Variants in LHPP observed in about 807,000 individuals in gnomAD.
LHPP encodes the protein hLHPP.
LHPP carries 24 observed loss-of-function variants against 30.3 expected under a neutral mutation model. The observed-to-expected ratio is 0.79, with a 90% CI of 0.57 to 1.11. The LOEUF (loss-of-function observed/expected upper bound fraction) is 1.11. LHPP is among the 50% of genes most tolerant of loss of function. LHPP has a pLI of 0.00. For missense variants in LHPP, 356 were observed against 367.2 expected (o/e 0.97, Z 0.25); for synonymous variants, 150 against 157.1 (o/e 0.95, Z 0.34).
intron 3 of LHPP, among the ~76,000 whole-genome samples, chr10:124,493,418 A>G (rs1263363674): frequency 1.3e-5 from 2 of 152,188 alleles, no homozygotes. Context: ...GTGCCCACCA[A>G]GGAGGCAGGA....
intron 6 of LHPP, among the ~76,000 whole-genome samples, chr10:124,552,647 T>C (rs1035311518): frequency 3.3e-5 from 5 of 152,074 alleles, no homozygotes; most frequent in Admixed American, 1.3e-4. Context: ...GCCCCTGTAG[T>C]CATTTCTAAA....
chr10:124,558,551 G>C (rs1313972698), intron 6 of LHPP, among the ~76,000 whole-genome samples: 1 of 152,202 alleles, frequency 6.6e-6, no homozygotes, highest in African/African-American at 2.4e-5. Flanking sequence ...AAGCCAGAAG[G>C]CTTCCAGGGG....
In LHPP at chr10:124,503,743, T is replaced by C. The variant is rs964094753; in HGVS notation, c.624+5615T>C. Reference sequence around the variant, plus strand: ...AAATATTAAAGCTATAAATATTTTATAAATATTATAGCTTTTTTTATTTAA... The same window carrying C: ...AAATATTAAAGCTATAAATATTTTACAAATATTATAGCTTTTTTTATTTAA... On this transcript the variant is annotated intron_variant, in intron 5 of 6. Transcript: ENST00000368842. Among the ~76,000 whole-genome samples the C allele has an allele frequency of 5.9e-5, 9 of 151,864 alleles. No homozygotes were observed. The South Asian group carries it at 1.7e-3, about 28-fold the overall frequency.
chr10:124,588,577 G>A (rs182738178), intron 6 of LHPP, among the ~76,000 whole-genome samples: 2 of 152,280 alleles, frequency 1.3e-5, no homozygotes, highest in East Asian at 3.9e-4. Flanking sequence ...GCCCGGCCCA[G>A]CTTTTTCATT....
At chr10:124,532,369 G>A (rs1589836444) in intron 6 of LHPP, among the ~76,000 whole-genome samples, 1 of 152,350 alleles carries the variant, frequency 6.6e-6, no homozygotes, top group South Asian at 2.1e-4. Context: ...TGGTATGCAG[G>A]TGTGACACAC....
intron 6 of LHPP, among the ~76,000 whole-genome samples, chr10:124,560,127 A>T (rs1362082189): frequency 6.6e-6 from 1 of 152,234 alleles, no homozygotes; most frequent in Non-Finnish European, 1.5e-5. Context: ...TCAGCCTGTG[A>T]TGGCTTCATA....
chr10:124,605,381 C>A (rs1279800273), intron 6 of LHPP: 4 of 152,286 alleles, frequency 2.6e-5, no homozygotes, highest in Non-Finnish European at 5.9e-5. Context: ...GAAGTCAACA[C>A]TGGCACCTGC....
At chr10:124,564,072 G>T (rs1008858913) in intron 6 of LHPP, among the ~76,000 whole-genome samples, 89 of 149,754 alleles carry the variant, frequency 5.9e-4, no homozygotes, top group Non-Finnish European at 3.4e-4. Context: ...TCAGCCTCCT[G>T]AGTGGCTGGA....
At chr10:124,509,024 C>A (rs1214082863) in intron 5 of LHPP, among the ~76,000 whole-genome samples, 1 of 152,110 alleles carries the variant, frequency 6.6e-6, no homozygotes, top group Non-Finnish European at 1.5e-5. Flanking sequence ...CCTCACCCTC[C>A]TCCCACCCTC....
intron 5 of LHPP, among the ~76,000 whole-genome samples, chr10:124,503,487 C>T (rs1380468405): frequency 6.6e-6 from 1 of 152,016 alleles, no homozygotes; most frequent in Non-Finnish European, 1.5e-5. Context: ...TTTAAAGCTG[C>T]TGGGAATAAT....
intron 6 of LHPP, among the ~76,000 whole-genome samples, chr10:124,544,760 G>A (rs1190317413): frequency 6.6e-6 from 1 of 152,208 alleles, no homozygotes; most frequent in Admixed American, 6.5e-5. Context: ...CCCGTCACGG[G>A]ACCTCACAGT....
At chr10:124,467,627 T>A (rs1483951532) in intron 1 of LHPP, among the ~76,000 whole-genome samples, 1 of 148,656 alleles carries the variant, frequency 6.7e-6, no homozygotes, top group East Asian at 2.0e-4. Flanking sequence ...CTCAAAAAAA[T>A]CTTTCTACCC....
Position 124,592,534 on chromosome 10 carries a change from G to A in LHPP, c.717-20730G>A, listed in dbSNP as rs545418708. Among the ~76,000 whole-genome samples the A allele has an allele frequency of 5.9e-5, 9 of 152,270 alleles. No individual in the cohort carries two copies. In the East Asian group the frequency reaches 7.7e-4, roughly 13 times the overall value. ...GAGCCTAAATTGCTGCCAAGTTCCC[G>A]ATTTCCCTTCCAGTCCTCAGTTTCC... On this transcript the variant is annotated intron_variant, in intron 6 of 6. Coordinates refer to ENST00000368842, the MANE Select transcript of LHPP (RefSeq NM_022126.4). This position sits in a 1 kb window ranked among gnomAD's most constrained non-coding sequence, Gnocchi z 6.2.
intron 5 of LHPP, among the ~76,000 whole-genome samples, chr10:124,509,888 G>A (rs1954256977): frequency 1.3e-5 from 2 of 152,078 alleles, no homozygotes; most frequent in African/African-American, 4.8e-5. Context: ...GAAGCTCTTT[G>A]GTGCTGGAAT....
At chr10:124,588,734 C>A (rs1948838333) in intron 6 of LHPP, among the ~76,000 whole-genome samples, 1 of 152,194 alleles carries the variant, frequency 6.6e-6, no homozygotes, top group African/African-American at 2.4e-5. Context: ...GAGGTGACAG[C>A]AGCTTGCAGA....
chr10:124,573,826 A>G (rs4962653), intron 6 of LHPP, among the ~76,000 whole-genome samples: 115,255 of 152,042 alleles, frequency 0.76, 44,362 homozygotes, highest in East Asian at 0.86. Flanking sequence ...CTTTGCAGCC[A>G]AGGAAAGTGA....
intron 1 of LHPP, among the ~76,000 whole-genome samples, chr10:124,471,148 C>A (rs966565611): frequency 6.6e-5 from 10 of 151,814 alleles, no homozygotes; most frequent in African/African-American, 2.4e-4. Flanking sequence ...CCTTCGTATT[C>A]CTCAAAAGCA....
intron 6 of LHPP, among the ~76,000 whole-genome samples, chr10:124,599,022 TCCAC>T (rs1288221203): frequency 6.4e-5 from 9 of 141,590 alleles, no homozygotes; most frequent in African/African-American, 2.1e-4. Flanking sequence ...CATCCATCCA[TCCAC>T]CTGTCCATCC....
chr10:124,528,931 T>G (rs1365212110), intron 6 of LHPP, among the ~76,000 whole-genome samples: 1 of 151,824 alleles, frequency 6.6e-6, no homozygotes, highest in Non-Finnish European at 1.5e-5. Context: ...TCCCCTGGAG[T>G]GGCCCTGGGG....
Sources: gnomAD v4.1 joint callset for allele counts (sites outside exome capture counted in the v4.1 genomes callset) on GRCh38, gnomAD v4.1.1 for gene constraint, Gnocchi (gnomAD v3.1) non-coding constraint, MANE v1.5 for transcripts, NCBI Gene and HGNC (gene_info 2026-07-23, HGNC 2026-07-21) for gene names.